Variants in VGLL4 observed in about 807,000 individuals in gnomAD.
VGLL4 encodes transcription cofactor vestigial-like protein 4.
In VGLL4, 7 loss-of-function variants were observed where a neutral mutation model predicts 21.0. That is an observed-to-expected ratio of 0.33 (90% CI 0.19 to 0.63). The LOEUF (loss-of-function observed/expected upper bound fraction) is 0.63, where lower values mean the gene tolerates loss of function less well. Among genes scored for constraint, VGLL4 ranks in the 20% least tolerant of loss-of-function variants. VGLL4 has a pLI of 0.78. For synonymous variants in VGLL4, 222 were observed against 173.2 expected (o/e 1.28, Z -2.21); for missense variants, 394 against 425.7 (o/e 0.93, Z 0.66).
Position 11,558,376 on chromosome 3 carries a change from G to A in VGLL4, c.*180C>T, listed in dbSNP as rs1559848622. The A allele has an allele frequency of 2.9e-6, 3 of 1,033,886 alleles. No individual in the cohort carries two copies. Among genetic ancestry groups the A allele is most frequent in the African/African-American group, 3.2e-5 (2 of 61,788 alleles). 64.0% of individuals were successfully genotyped at this position (1,033,886 alleles called of 1,614,324 possible). A position where few individuals can be genotyped will look rare whatever the true frequency, so the allele number is the denominator to read the frequency against. ...TGCTATCATGTTTGAGGGCCCCCTT[G>A]TACGGATACCAAGCAAGTACAAAAA... On this transcript the variant is annotated 3_prime_UTR_variant, in exon 5 of 5. Transcript: ENST00000430365.
chr3:11,694,799 A>G (rs528399407), intron 2 of VGLL4, among the ~76,000 whole-genome samples: 5 of 152,324 alleles, frequency 3.3e-5, no homozygotes, highest in African/African-American at 9.6e-5. Flanking sequence ...GTAGACTAAC[A>G]TTACAGAACC....
chr3:11,573,696 G>A (rs572877527), intron 2 of VGLL4, among the ~76,000 whole-genome samples: 22 of 152,302 alleles, frequency 1.4e-4, no homozygotes, highest in African/African-American at 4.6e-4. Flanking sequence ...AGTTACCAGC[G>A]CAGTTGAGCA....
At chr3:11,692,124 A>G (rs1040063130) in intron 2 of VGLL4, among the ~76,000 whole-genome samples, 2 of 152,196 alleles carry the variant, frequency 1.3e-5, no homozygotes, top group African/African-American at 2.4e-5. Flanking sequence ...ATTGTGAAAC[A>G]TTTGTTTAAA....
intron 2 of VGLL4, among the ~76,000 whole-genome samples, chr3:11,702,233 C>T (rs1399898199): frequency 6.6e-6 from 1 of 152,054 alleles, no homozygotes; most frequent in Non-Finnish European, 1.5e-5. Context: ...TAAGGAGTAT[C>T]TTCATTCCAG....
chr3:11,633,562 C>G (rs1417836742), intron 1 of VGLL4: 1 of 152,570 alleles, frequency 6.6e-6, no homozygotes, highest in African/African-American at 2.4e-5. Flanking sequence ...CCCAGCTACT[C>G]AGGAGGCTGA....
chr3:11,564,868 T>A lies in VGLL4; in HGVS notation c.424A>T (p.Thr142Ser). 1 of 1,609,348 alleles carries A rather than the reference T, an allele frequency of 6.2e-7. No individual in the cohort carries two copies. Among genetic ancestry groups the A allele is most frequent in the African/African-American group, 1.3e-5 (1 of 74,990 alleles). The stretch of plus-strand genomic sequence containing the variant: ...CTGCTGGCGTCCAGGCTGTTCTTGG[T>A]CAGTGCGAGGGGCTGCTCCAGGCCA... Reference protein sequence around the residue: ...SLGLEQPLALTKNSLDASRPA... With the variant: ...SLGLEQPLALSKNSLDASRPA... Residue 142 changes from threonine (T) to serine (S), a missense_variant, in exon 3 of 5, where the codon ACC becomes TCC. Thr to Ser is a moderately conservative substitution (Grantham distance 58). Transcript: ENST00000430365.
intron 4 of VGLL4, 24 bp downstream of exon 4, chr3:11,559,308 G>C (rs766500805): frequency 6.6e-7 from 1 of 1,518,678 alleles, no homozygotes; most frequent in Non-Finnish European, 8.8e-7. Flanking sequence ...AGCTGTGACA[G>C]GTGAGGAGGC....
chr3:11,587,297 G>A (rs181442189), intron 2 of VGLL4, among the ~76,000 whole-genome samples: 1 of 152,344 alleles, frequency 6.6e-6, no homozygotes, highest in African/African-American at 2.4e-5. Context: ...TGAAGGAGCT[G>A]CATGGCTCAG....
intron 1 of VGLL4, among the ~76,000 whole-genome samples, chr3:11,632,306 C>G (rs2075497241): frequency 8.4e-6 from 1 of 119,588 alleles, no homozygotes; most frequent in South Asian, 2.8e-4. Flanking sequence ...GAGCAACACT[C>G]TGTCTCAAAA....
intron 2 of VGLL4, among the ~76,000 whole-genome samples, chr3:11,687,322 G>GT (rs1343631694): frequency 5.9e-5 from 9 of 152,030 alleles, no homozygotes; most frequent in Non-Finnish European, 1.3e-4. Flanking sequence ...TAGAAATATA[G>GT]TATTTCCTTT....
chr3:11,709,899 T>C (rs2076815563), intron 1 of VGLL4, among the ~76,000 whole-genome samples: 1 of 152,182 alleles, frequency 6.6e-6, no homozygotes, highest in Non-Finnish European at 1.5e-5. Context: ...TACCTGAGGC[T>C]GCGTAATTTA....
chr3:11,708,266 GA>G (rs1375414508), intron 1 of VGLL4, among the ~76,000 whole-genome samples: 3 of 152,216 alleles, frequency 2.0e-5, no homozygotes, highest in Non-Finnish European at 4.4e-5. Flanking sequence ...TAAATGTACT[GA>G]AAATGACAGG....
At chr3:11,582,473 T>A in intron 2 of VGLL4, 1 of 1,132,066 alleles carries the variant, frequency 8.8e-7, no homozygotes, top group Non-Finnish European at 1.2e-6. Flanking sequence ...TGCACTGCAA[T>A]AAAAGTTTCC....
upstream of VGLL4, among the ~76,000 whole-genome samples, chr3:11,644,283 A>T (rs961758933): frequency 6.6e-6 from 1 of 152,042 alleles, no homozygotes; most frequent in African/African-American, 2.4e-5. Flanking sequence ...GTGATGCATA[A>T]GCCATATATA....
chr3:11,620,078 G>A (rs1287694068), intron 1 of VGLL4, among the ~76,000 whole-genome samples: 2 of 152,074 alleles, frequency 1.3e-5, no homozygotes, highest in Non-Finnish European at 2.9e-5. Context: ...AGGATGTTGG[G>A]TACTGAGAAG....
At chr3:11,672,281 A>C (rs919130678) in intron 2 of VGLL4, among the ~76,000 whole-genome samples, 2 of 152,268 alleles carry the variant, frequency 1.3e-5, no homozygotes, top group African/African-American at 4.8e-5. Context: ...TCACAATGCA[A>C]AAATCTTTCA....
chr3:11,665,391 G>C (rs1001432187), intron 2 of VGLL4, among the ~76,000 whole-genome samples: 10 of 152,128 alleles, frequency 6.6e-5, no homozygotes. Flanking sequence ...GGGATTACAG[G>C]CCTGAGCCAC....
At chr3:11,650,683 A>T (rs2075857437) in intron 2 of VGLL4, among the ~76,000 whole-genome samples, 1 of 151,500 alleles carries the variant, frequency 6.6e-6, no homozygotes, top group African/African-American at 2.4e-5. Flanking sequence ...CTTTCATTTT[A>T]AAGTGCTTTT....
chr3:11,577,449 C>T (rs895069891), intron 2 of VGLL4, among the ~76,000 whole-genome samples: 2 of 151,994 alleles, frequency 1.3e-5, no homozygotes, highest in Admixed American at 1.3e-4. Context: ...AAAAATTAGC[C>T]AAGTGTGGTG....
Sources: gnomAD v4.1 joint callset for allele counts (sites outside exome capture counted in the v4.1 genomes callset) on GRCh38, gnomAD v4.1.1 for gene constraint, MANE v1.5 for transcripts, NCBI Gene and HGNC (gene_info 2026-07-23, HGNC 2026-07-21) for gene names.